Variants in NKAIN2 observed in about 807,000 individuals in gnomAD.
The protein encoded by NKAIN2 is sodium/potassium-transporting ATPase subunit beta-1-interacting protein 2.
In NKAIN2, 14 loss-of-function variants were observed where a neutral mutation model predicts 32.6. The ratio of observed to expected loss-of-function variants is 0.43; its 90% CI spans 0.28 to 0.67. NKAIN2 has a LOEUF of 0.67. Ranked by LOEUF, NKAIN2 falls within the 30% of genes least tolerant of loss-of-function variation. The pLI is 0.17. For missense variants in NKAIN2, 198 were observed against 258.3 expected, an observed-to-expected ratio of 0.77 and a Z score of 1.60; for synonymous variants, 80 against 87.2, an observed-to-expected ratio of 0.92 and a Z score of 0.46.
chr6:124,576,985 C>G, intron 3 of NKAIN2, among the ~76,000 whole-genome samples: 1 of 152,266 alleles, frequency 6.6e-6, no homozygotes. Context: ...TTTGTAAGAA[C>G]TGAAACCTCT....
intron 2 of NKAIN2, among the ~76,000 whole-genome samples, chr6:124,338,236 C>A (rs535352957): frequency 6.6e-6 from 1 of 152,036 alleles, no homozygotes; most frequent in Non-Finnish European, 1.5e-5. Context: ...CAGCAGTATT[C>A]ATTTATAGTG....
intron 3 of NKAIN2, among the ~76,000 whole-genome samples, chr6:124,563,904 G>A (rs1393459888): frequency 6.6e-6 from 1 of 152,108 alleles, no homozygotes; most frequent in Non-Finnish European, 1.5e-5. Context: ...GTAGAGGAGG[G>A]GTCCCAGTGG....
rs149961219 is a variant in NKAIN2, at chr6:124,127,114, G to T, written c.55-155891G>T. ...TATATAAGTAAGTTCTGAATTATGT[G>T]TTATAGACTTAACATTTGGGCATCA... is the stretch of plus-strand genomic sequence containing the variant. On this transcript the variant is annotated intron_variant, in intron 1 of 6. Transcript: ENST00000368417. Among the ~76,000 whole-genome samples the T allele has an allele frequency of 3.8e-3, 580 of 152,300 alleles. 3 individuals are homozygous for T. Among genetic ancestry groups the T allele is most frequent in the African/African-American group, 0.013 (542 of 41,564 alleles).
chr6:124,252,752 C>T (rs1241029096), intron 1 of NKAIN2, among the ~76,000 whole-genome samples: 1 of 152,004 alleles, frequency 6.6e-6, no homozygotes, highest in Non-Finnish European at 1.5e-5. Context: ...ATTACAGTTT[C>T]GGGGTTCAGT....
chr6:124,438,385 G>T (rs971104461), intron 3 of NKAIN2, among the ~76,000 whole-genome samples: 9 of 151,988 alleles, frequency 5.9e-5, no homozygotes, highest in Non-Finnish European at 1.2e-4. Flanking sequence ...AGTCACTCTG[G>T]GTAATTCAGG....
intron 2 of NKAIN2, among the ~76,000 whole-genome samples, chr6:124,290,844 T>C (rs949103505): frequency 2.6e-5 from 4 of 152,120 alleles, no homozygotes; most frequent in African/African-American, 9.7e-5. Context: ...CCGTTTATAT[T>C]TGACCATCAC....
intron 1 of NKAIN2, among the ~76,000 whole-genome samples, chr6:124,215,787 G>A (rs1195820388): frequency 1.4e-4 from 21 of 152,144 alleles, no homozygotes; most frequent in Non-Finnish European, 2.6e-4. Context: ...GAATACATGA[G>A]ATCCAGAAAC....
intron 1 of NKAIN2, among the ~76,000 whole-genome samples, chr6:123,862,355 A>G (rs965101145): frequency 7.2e-5 from 11 of 152,040 alleles, no homozygotes; most frequent in African/African-American, 2.7e-4. Context: ...TCTTAGTTTT[A>G]TTGCTCTTGC....
chr6:124,223,768 AGAGT>A (rs1393008280), intron 1 of NKAIN2, among the ~76,000 whole-genome samples: 3 of 152,128 alleles, frequency 2.0e-5, no homozygotes, highest in Non-Finnish European at 2.9e-5. Flanking sequence ...TTCCCTATTG[AGAGT>A]TAGTTAGAAC....
intron 3 of NKAIN2, among the ~76,000 whole-genome samples, chr6:124,446,891 C>T (rs150455392): frequency 4.9e-4 from 75 of 152,206 alleles, no homozygotes; most frequent in East Asian, 1.6e-3. Flanking sequence ...TTTATTAACA[C>T]ATTATGATGA....
chr6:124,167,507 T>C (rs1788620069), intron 1 of NKAIN2, among the ~76,000 whole-genome samples: 1 of 152,198 alleles, frequency 6.6e-6, no homozygotes, highest in South Asian at 2.1e-4. Context: ...GAATACCCTT[T>C]ATTTCCTTCT....
intron 4 of NKAIN2, among the ~76,000 whole-genome samples, chr6:124,685,412 A>G (rs1773822078): frequency 6.6e-6 from 1 of 152,190 alleles, no homozygotes; most frequent in Non-Finnish European, 1.5e-5. Context: ...TCATTGCTCA[A>G]GACTGACCAC....
At chr6:123,905,228 A>C (rs936633362) in intron 1 of NKAIN2, among the ~76,000 whole-genome samples, 1 of 152,002 alleles carries the variant, frequency 6.6e-6, no homozygotes, top group African/African-American at 2.4e-5. Context: ...ACTTCATTAC[A>C]GCACAGCAAG....
intron 1 of NKAIN2, among the ~76,000 whole-genome samples, chr6:123,954,219 C>T (rs373444227): frequency 1.2e-4 from 19 of 152,296 alleles, no homozygotes; most frequent in South Asian, 1.2e-3. Context: ...TTTTTCAATA[C>T]GGTGCCTTGC....
intron 1 of NKAIN2, among the ~76,000 whole-genome samples, chr6:123,976,570 T>A (rs890965088): frequency 6.6e-6 from 1 of 151,160 alleles, no homozygotes; most frequent in Non-Finnish European, 1.5e-5. Context: ...AAGGCCAGCA[T>A]TTTTGTTCAA....
intron 1 of NKAIN2, among the ~76,000 whole-genome samples, chr6:124,096,031 A>C (rs1784633559): frequency 6.6e-6 from 1 of 152,246 alleles, no homozygotes; most frequent in South Asian, 2.1e-4. Flanking sequence ...ACTAGAAAAC[A>C]AAACTGTAGG....
intron 1 of NKAIN2, among the ~76,000 whole-genome samples, chr6:124,096,869 A>AAG: frequency 6.6e-6 from 1 of 151,510 alleles, no homozygotes; most frequent in East Asian, 1.9e-4. Context: ...AAAAAAAAAA[A>AAG]AAAAAAAAAT....
chr6:124,731,274 C>T lies in NKAIN2; in HGVS notation c.475-60065C>T, dbSNP rs1304944031. 6.4e-3 allele frequency among the ~76,000 whole-genome samples: 950 copies of T among 147,812 alleles called. 16 individuals are homozygous for T. The highest frequency in any genetic ancestry group is 0.023 in the African/African-American group (907 of 40,040). ...GACACATGCACACGTATGTTTATTG[C>T]GGCATTATTCACAATAGCAAAGACT... On this transcript the variant is annotated intron_variant, in intron 4 of 6. Transcript: ENST00000368417.
chr6:124,237,249 A>G (rs943542831), intron 1 of NKAIN2, among the ~76,000 whole-genome samples: 6 of 152,186 alleles, frequency 3.9e-5, no homozygotes, highest in African/African-American at 1.4e-4. Context: ...AAACTTGCAT[A>G]TAACTGGCAA....
Sources: allele counts gnomAD v4.1 joint callset (sites outside exome capture counted in the v4.1 genomes callset), GRCh38; gene constraint gnomAD v4.1.1; transcripts MANE v1.5; gene names NCBI Gene and HGNC (gene_info 2026-07-23, HGNC 2026-07-21).